CIB4: variants seen among roughly 807,000 people sequenced by gnomAD.
CIB4 encodes the protein calcium and integrin-binding family member 4.
CIB4 carries 25 observed loss-of-function variants against 25.8 expected under a neutral mutation model. The ratio of observed to expected loss-of-function variants is 0.97; its 90% CI spans 0.71 to 1.35. The LOEUF (loss-of-function observed/expected upper bound fraction) is 1.35. CIB4 is among the 40% of genes most tolerant of loss of function. CIB4 has a pLI of 0.00. For missense variants in CIB4, 235 were observed against 228.2 expected (o/e 1.03, Z -0.19); for synonymous variants, 75 against 81.4 (o/e 0.92, Z 0.42).
Position 26,623,472 on chromosome 2 carries a change from G to A in CIB4, c.186+5938C>T, listed in dbSNP as rs566701536. 1.1e-5 allele frequency: 5 copies of A among 469,770 alleles called. No homozygotes were observed. The East Asian group carries it at 2.8e-4, about 26-fold the overall frequency. The allele number at this position is 469,770 out of a possible 1,614,324, so 29.1% of individuals were successfully genotyped here. A position where few individuals can be genotyped will look rare whatever the true frequency, so the allele number is the denominator to read the frequency against. On this transcript the variant is annotated intron_variant, in intron 3 of 6. Coordinates refer to ENST00000288861, the MANE Select transcript of CIB4 (RefSeq NM_001029881.3). The stretch of plus-strand genomic sequence containing the variant: ...AGGACTTTTCATCGCTTTCAGCCTT[G>A]GGAGTGAGTTCTTTGCAAGCTGTTC...
intron 4 of CIB4, among the ~76,000 whole-genome samples, chr2:26,592,194 A>T (rs1668597691): frequency 6.6e-6 from 1 of 152,232 alleles, no homozygotes; most frequent in Admixed American, 6.5e-5. Flanking sequence ...CTTGGCTAAG[A>T]CAGAAACAGC....
chr2:26,601,231 A>AATATAT (rs1165155834), intron 3 of CIB4, among the ~76,000 whole-genome samples: 63 of 17,136 alleles, frequency 3.7e-3, no homozygotes, highest in African/African-American at 7.4e-3. Context: ...AAAAAAAAAA[A>AATATAT]ATATATATAT....
intron 3 of CIB4, among the ~76,000 whole-genome samples, chr2:26,622,410 C>T (rs1273084888): frequency 6.6e-6 from 1 of 152,038 alleles, no homozygotes; most frequent in Non-Finnish European, 1.5e-5. Context: ...GACTATTGAT[C>T]TCCCCCAAAC....
chr2:26,585,168 C>T (rs1668427172), intron 4 of CIB4, among the ~76,000 whole-genome samples: 1 of 152,144 alleles, frequency 6.6e-6, no homozygotes, highest in South Asian at 2.1e-4. Flanking sequence ...CTTGGAAGAG[C>T]ATGACCTGGA....
At chr2:26,633,527 G>C (rs569150319) in intron 2 of CIB4, among the ~76,000 whole-genome samples, 38 of 152,290 alleles carry the variant, frequency 2.5e-4, no homozygotes, top group Admixed American at 2.0e-3. Context: ...CTCTCGGGGA[G>C]GGTGCTGGTG....
chr2:26,591,712 C>T (rs182513029), intron 4 of CIB4, among the ~76,000 whole-genome samples: 15 of 152,342 alleles, frequency 9.8e-5, no homozygotes, highest in East Asian at 9.6e-4. Flanking sequence ...TCCACCATCA[C>T]GCTGTCTTTT....
intron 3 of CIB4, among the ~76,000 whole-genome samples, chr2:26,617,099 T>G (rs986728633): frequency 7.5e-6 from 1 of 134,202 alleles, no homozygotes; most frequent in Non-Finnish European, 1.6e-5. Context: ...GTCAAGAACT[T>G]ACCCACAGCA....
At chr2:26,626,841 C>T (rs1231299394) in intron 3 of CIB4, among the ~76,000 whole-genome samples, 2 of 152,142 alleles carry the variant, frequency 1.3e-5, no homozygotes, top group African/African-American at 4.8e-5. Context: ...CCACCCCTAA[C>T]CCCAACAGGC....
At position 26,602,539 on chromosome 2, in the gene CIB4, T is replaced by C. The variant is rs1274984540; in HGVS notation, c.187-7222A>G. Among the ~76,000 whole-genome samples, 4 of 152,200 alleles carry C rather than the reference T, an allele frequency of 2.6e-5. No homozygotes were observed. In the East Asian group the frequency reaches 7.7e-4, roughly 29 times the overall value. ...GTACTGGATTAGTCAGAGACATCAA[T>C]ATGAACTAATGGGTATTTTACTACA... On this transcript the variant is annotated intron_variant, in intron 3 of 6. Coordinates refer to ENST00000288861, the MANE Select transcript of CIB4 (RefSeq NM_001029881.3).
intron 1 of CIB4, among the ~76,000 whole-genome samples, 200 bp downstream of exon 1, chr2:26,641,061 T>G (rs370958844): frequency 1.3e-5 from 2 of 152,082 alleles, no homozygotes; most frequent in African/African-American, 4.8e-5. Flanking sequence ...TTTTCGTGAT[T>G]TTTTTTTATT....
chr2:26,588,786 C>T (rs1322367756), intron 4 of CIB4, among the ~76,000 whole-genome samples: 1 of 152,144 alleles, frequency 6.6e-6, no homozygotes, highest in Non-Finnish European at 1.5e-5. Flanking sequence ...GGAGGCTGTG[C>T]TGATGGGAGC....
chr2:26,600,647 G>A (rs1021261750), intron 3 of CIB4, among the ~76,000 whole-genome samples: 3 of 152,136 alleles, frequency 2.0e-5, no homozygotes, highest in Admixed American at 6.5e-5. Context: ...GTAAGGTTAG[G>A]TGAGCAGAGC....
chr2:26,590,370 T>G (rs1217900697), intron 4 of CIB4, among the ~76,000 whole-genome samples: 1 of 151,618 alleles, frequency 6.6e-6, no homozygotes, highest in Non-Finnish European at 1.5e-5. Context: ...AGAGGAATCT[T>G]GCTAAAATGC....
At chr2:26,603,916 T>C (rs1668840248) in intron 3 of CIB4, among the ~76,000 whole-genome samples, 1 of 149,502 alleles carries the variant, frequency 6.7e-6, no homozygotes, top group Non-Finnish European at 1.5e-5. Context: ...GGTGGGAGGA[T>C]CACTTGAGCC....
chr2:26,607,113 A>G (rs1668904062), intron 3 of CIB4, among the ~76,000 whole-genome samples: 1 of 152,084 alleles, frequency 6.6e-6, no homozygotes, highest in Non-Finnish European at 1.5e-5. Context: ...AGCTCAAAGG[A>G]CTGCAGGCCT....
intron 2 of CIB4, among the ~76,000 whole-genome samples, chr2:26,638,888 G>C (rs762431640): frequency 6.6e-6 from 1 of 151,906 alleles, no homozygotes; most frequent in Non-Finnish European, 1.5e-5. Context: ...GGAGGCACAG[G>C]TTGCAGTGAG....
intron 2 of CIB4, among the ~76,000 whole-genome samples, chr2:26,633,875 C>T (rs945065554): frequency 4.6e-5 from 7 of 152,246 alleles, no homozygotes; most frequent in Admixed American, 1.3e-4. Flanking sequence ...ACCTTGGACT[C>T]GCCAAGTCCC....
At chr2:26,626,382 GA>G (rs1031744696) in intron 3 of CIB4, among the ~76,000 whole-genome samples, 6 of 53,110 alleles carry the variant, frequency 1.1e-4, no homozygotes, top group African/African-American at 3.7e-4. Flanking sequence ...AACCCAAGTA[GA>G]AAAAAAAAGC....
At chr2:26,598,074 C>T (rs996666209) in intron 3 of CIB4, among the ~76,000 whole-genome samples, 7 of 152,096 alleles carry the variant, frequency 4.6e-5, no homozygotes, top group Admixed American at 4.6e-4. Context: ...CCGAGACTGA[C>T]GGAACTCCTG....
Sources: allele counts gnomAD v4.1 joint callset (sites outside exome capture counted in the v4.1 genomes callset), GRCh38; gene constraint gnomAD v4.1.1; transcripts MANE v1.5; gene names NCBI Gene and HGNC (gene_info 2026-07-23, HGNC 2026-07-21).